SH3KBP1: variants seen among roughly 807,000 people sequenced by gnomAD.
SH3KBP1 encodes the protein SH3 domain containing kinase binding protein 1.
A neutral mutation model predicts 50.1 loss-of-function variants in SH3KBP1; 8 were observed. The ratio of observed to expected loss-of-function variants is 0.16; its 90% CI spans 0.09 to 0.29. The LOEUF is 0.29. Ranked by LOEUF, SH3KBP1 falls within the 10% of genes least tolerant of loss-of-function variation. The pLI is 1.00. For synonymous variants in SH3KBP1, 227 were observed against 218.6 expected (o/e 1.04, Z -0.34); for missense variants, 377 against 535.2 (o/e 0.70, Z 2.92).
rs757761979 is a variant in SH3KBP1, at chrX:19,824,412, G to C, written c.162+11713C>G. The stretch of plus-strand genomic sequence containing the variant: ...GTGCAAAATGAATGCCCAAGCTTTA[G>C]ATCAAGCAGCAGAATCACCTGAACT... On this transcript the variant is annotated intron_variant, in intron 2 of 17. Coordinates refer to ENST00000397821, the MANE Select transcript of SH3KBP1 (RefSeq NM_031892.3). Among the ~76,000 whole-genome samples, 10 of 111,615 alleles carry C rather than the reference G, an allele frequency of 9.0e-5. No homozygotes were observed. In the East Asian group the frequency reaches 2.8e-3, roughly 32 times the overall value.
At chrX:19,847,465 A>C (rs2068394708) in intron 1 of SH3KBP1, among the ~76,000 whole-genome samples, 1 of 64,677 alleles carries the variant, frequency 1.5e-5, no homozygotes, top group Non-Finnish European at 2.5e-5. Context: ...TGAGAATCTG[A>C]GATGAGATCT....
chrX:19,566,665 T>C (rs978472315), intron 13 of SH3KBP1, among the ~76,000 whole-genome samples: 2 of 112,027 alleles, frequency 1.8e-5, no homozygotes, highest in African/African-American at 6.5e-5. Flanking sequence ...TCTGCTCTGC[T>C]CTGCCTGCAC....
At position 19,555,285 on chromosome X, in the gene SH3KBP1, C is replaced by A. The variant is rs774236466; in HGVS notation, c.1385-5202G>T. Among the ~76,000 whole-genome samples the A allele has an allele frequency of 2.7e-5, 3 of 111,976 alleles. No individual in the cohort carries two copies. In the Admixed American group the frequency reaches 2.8e-4, roughly 11 times the overall value. On this transcript the variant is annotated intron_variant, in intron 13 of 17. Transcript: ENST00000397821. The stretch of plus-strand genomic sequence containing the variant: ...ATACGGGGATAATTCATGTTGGGCA[C>A]GATGGAGTTGGCTTGGAAAGGGCCT...
At chrX:19,774,711 A>AAAGAAAGG (rs2065919915) in intron 2 of SH3KBP1, among the ~76,000 whole-genome samples, 3 of 105,921 alleles carry the variant, frequency 2.8e-5, no homozygotes, top group Non-Finnish European at 5.8e-5. Flanking sequence ...AGAAAGAAAG[A>AAAGAAAGG]AGAAACCTAA....
At chrX:19,606,769 C>A (rs187146646) in intron 9 of SH3KBP1, among the ~76,000 whole-genome samples, 266 of 111,978 alleles carry the variant, frequency 2.4e-3, no homozygotes, top group Non-Finnish European at 3.4e-3. Context: ...TCAGGTGATG[C>A]TGCTATTGCC....
At chrX:19,781,207 T>C (rs779110803) in intron 2 of SH3KBP1, among the ~76,000 whole-genome samples, 61 of 111,805 alleles carry the variant, frequency 5.5e-4, no homozygotes, top group African/African-American at 1.9e-3. Context: ...CTAAGTCTAA[T>C]ATAGAGAATG....
chrX:19,617,628 T>A (rs1168598102), intron 8 of SH3KBP1, among the ~76,000 whole-genome samples: 1 of 112,664 alleles, frequency 8.9e-6, no homozygotes, highest in Non-Finnish European at 1.9e-5. Context: ...TGAACATCTT[T>A]ATACAGAAGG....
At chrX:19,858,731 T>C (rs147414418) in intron 1 of SH3KBP1, among the ~76,000 whole-genome samples, 2,518 of 112,437 alleles carry the variant, frequency 0.022, 83 homozygotes, top group African/African-American at 0.077. Context: ...ACACTCCATA[T>C]AGATTTGTGG....
intron 3 of SH3KBP1, among the ~76,000 whole-genome samples, chrX:19,711,645 G>C (rs1005971058): frequency 2.5e-5 from 2 of 80,283 alleles, no homozygotes; most frequent in African/African-American, 1.0e-4. Flanking sequence ...GATGGAACAA[G>C]AGTAAAGCTA....
chrX:19,804,889 C>CG (rs1331785095), intron 2 of SH3KBP1, among the ~76,000 whole-genome samples: 3 of 81,652 alleles, frequency 3.7e-5, no homozygotes. Context: ...CCTACCCCCC[C>CG]CCCCCCACCC....
intron 2 of SH3KBP1, among the ~76,000 whole-genome samples, chrX:19,762,421 C>T (rs1259250459): frequency 9.1e-6 from 1 of 110,271 alleles, no homozygotes; most frequent in Non-Finnish European, 1.9e-5. Context: ...AGGTATTTTG[C>T]AGACCCTCTA....
At chrX:19,831,962 G>A (rs2067910549) in intron 2 of SH3KBP1, among the ~76,000 whole-genome samples, 1 of 111,461 alleles carries the variant, frequency 9.0e-6, no homozygotes, top group South Asian at 3.7e-4. Context: ...TCTCTACAGA[G>A]TCCTGGTTAT....
intron 9 of SH3KBP1, among the ~76,000 whole-genome samples, chrX:19,605,502 C>T (rs749227658): frequency 6.3e-5 from 7 of 111,702 alleles, no homozygotes; most frequent in Middle Eastern, 4.6e-3. Flanking sequence ...AAGGTCTTGG[C>T]GCCCAAATGC....
intron 9 of SH3KBP1, among the ~76,000 whole-genome samples, chrX:19,597,853 C>G (rs998662819): frequency 3.5e-5 from 4 of 112,835 alleles, no homozygotes; most frequent in African/African-American, 1.3e-4. Context: ...ATATCAACTT[C>G]TCTAGCTATG....
At chrX:19,882,232 T>C (rs939902165) in intron 1 of SH3KBP1, among the ~76,000 whole-genome samples, 2 of 111,299 alleles carry the variant, frequency 1.8e-5, no homozygotes, top group African/African-American at 6.5e-5. Flanking sequence ...CAGGGCAGTG[T>C]AGTGGTCAGA....
intron 6 of SH3KBP1, among the ~76,000 whole-genome samples, chrX:19,650,757 G>C (rs1043952015): frequency 4.5e-5 from 5 of 112,049 alleles, no homozygotes; most frequent in African/African-American, 1.6e-4. Context: ...TTCAGTGTGA[G>C]GCAGGAAAGT....
At chrX:19,716,560 A>G (rs1173538242) in intron 3 of SH3KBP1, among the ~76,000 whole-genome samples, 1 of 112,018 alleles carries the variant, frequency 8.9e-6, no homozygotes, top group African/African-American at 3.2e-5. Flanking sequence ...ACTAGTAGGG[A>G]ACCATTTATT....
intron 16 of SH3KBP1, among the ~76,000 whole-genome samples, chrX:19,541,172 C>T (rs2064880817): frequency 8.9e-6 from 1 of 112,243 alleles, no homozygotes; most frequent in Non-Finnish European, 1.9e-5. Context: ...CTGCCTTGGC[C>T]TCCCAAAGTG....
intron 9 of SH3KBP1, among the ~76,000 whole-genome samples, chrX:19,603,438 T>TTAAG (rs2067151992): frequency 8.9e-6 from 1 of 111,952 alleles, no homozygotes; most frequent in African/African-American, 3.2e-5. Context: ...TGCTACCTGA[T>TTAAG]TAAGTCTCTG....
Sources: allele counts gnomAD v4.1 joint callset (sites outside exome capture counted in the v4.1 genomes callset), GRCh38; gene constraint gnomAD v4.1.1; transcripts MANE v1.5; gene names NCBI Gene and HGNC (gene_info 2026-07-23, HGNC 2026-07-21).